The following TC2N variants were observed in gnomAD, a reference collection of about 807,000 sequenced individuals.
TC2N encodes tandem C2 domains nuclear protein.
In TC2N, 51 loss-of-function variants were observed where a neutral mutation model predicts 61.9. The ratio of observed to expected loss-of-function variants is 0.82; its 90% CI spans 0.66 to 1.04. The LOEUF is 1.04. Ranked by LOEUF, TC2N falls within the 50% of genes least tolerant of loss-of-function variation. The pLI, the probability that TC2N is intolerant of heterozygous loss-of-function variation, is 0.00. For synonymous variants in TC2N, 204 were observed against 192.6 expected, an observed-to-expected ratio of 1.06 and a Z score of -0.49; for missense variants, 556 against 566.7, an observed-to-expected ratio of 0.98 and a Z score of 0.19.
Position 91,787,537 on chromosome 14 carries a change from T to C in TC2N, c.1138A>G (p.Ser380Gly). The C allele has an allele frequency of 6.2e-7, 1 of 1,612,164 alleles. No homozygotes were observed. The highest frequency in any genetic ancestry group is 8.5e-7 in the Non-Finnish European group (1 of 1,179,038). ...CTCAAAGTCAGAGGTGTTGATGAGC[T>C]TGGAAGGTACCGTGCCTCAAGAATT... ...LQILEARYLP[S>G]SSTPLTLSFF... is the part of the protein sequence containing the mutation. Residue 380 changes from serine (S) to glycine (G), a missense_variant, in exon 10 of 12, where the codon AGC becomes GGC. Coordinates refer to ENST00000435962, the MANE Select transcript of TC2N (RefSeq NM_001128596.3).
chr14:91,799,830 TAAAAA>T (rs1886130591), intron 5 of TC2N, among the ~76,000 whole-genome samples: 3 of 152,094 alleles, frequency 2.0e-5, no homozygotes, highest in African/African-American at 7.2e-5. Flanking sequence ...TTACTTGTAA[TAAAAA>T]AGAAACATTT....
chr14:91,864,777 C>CTTTT (rs5810557), intron 1 of TC2N, among the ~76,000 whole-genome samples: 2 of 70,796 alleles, frequency 2.8e-5, no homozygotes, highest in African/African-American at 4.5e-5. Flanking sequence ...CTGCCTTCAT[C>CTTTT]TTTTTTTTTT....
rs529201120 is a variant in TC2N, at chr14:91,801,196, A to C, written c.470-824T>G. ...ACTACAAAAGCTCTATAATCACTTA[A>C]GCAGTTTGTTTATATTTCCCATCAC... is the stretch of plus-strand genomic sequence containing the variant. On this transcript the variant is annotated intron_variant, in intron 4 of 11. Transcript: ENST00000435962. Among the ~76,000 whole-genome samples, 11 of 152,152 alleles carry C rather than the reference A, an allele frequency of 7.2e-5. No homozygotes were observed. The South Asian group carries it at 2.1e-3, about 29-fold the overall frequency.
chr14:91,852,098 AACAG>A (rs1198715904), intron 1 of TC2N, among the ~76,000 whole-genome samples: 1 of 152,218 alleles, frequency 6.6e-6, no homozygotes, highest in African/African-American at 2.4e-5. Flanking sequence ...TACTTGTGAA[AACAG>A]ACAGTCTCTC....
At chr14:91,844,709 C>T (rs184245615) in intron 1 of TC2N, among the ~76,000 whole-genome samples, 16 of 134,654 alleles carry the variant, frequency 1.2e-4, no homozygotes, top group African/African-American at 3.7e-4. Flanking sequence ...TGCAGTGAGC[C>T]GATATTGCAC....
Position 91,812,393 on chromosome 14 carries a change from G to A in TC2N, c.220C>T (p.Pro74Ser), listed in dbSNP as rs558832058. The part of the protein sequence containing the change: ...SKLPSDGKEV[P>S]FVVPKFKLSY... ...AACTTAAACTTGGGCACCACAAATG[G>A]TACTTCTTTGCCATCAGATGGTAAT... Residue 74 changes from proline to serine, a missense_variant, in exon 3 of 12, where the codon CCA becomes TCA. Coordinates refer to ENST00000435962, the MANE Select transcript of TC2N (RefSeq NM_001128596.3). 4.3e-6 allele frequency: 7 copies of A among 1,612,632 alleles called. No homozygotes were observed. In the South Asian group the frequency reaches 6.6e-5, roughly 15 times the overall value.
chr14:91,789,006 C>T (rs1885502893), intron 9 of TC2N, among the ~76,000 whole-genome samples: 1 of 151,850 alleles, frequency 6.6e-6, no homozygotes, highest in African/African-American at 2.4e-5. Context: ...CTGTCCTTGG[C>T]ATTTAAAAAA....
chr14:91,823,292 G>A (rs1369252134), intron 1 of TC2N, among the ~76,000 whole-genome samples: 7 of 151,758 alleles, frequency 4.6e-5, no homozygotes, highest in East Asian at 2.0e-4. Flanking sequence ...AGGCCAAGGC[G>A]GGTGGATCAC....
chr14:91,866,199 A>G (rs1238706455), intron 1 of TC2N: 2 of 152,224 alleles, frequency 1.3e-5, no homozygotes, highest in Non-Finnish European at 2.9e-5. Context: ...GGCACATTAC[A>G]GTAACCACCC....
intron 3 of TC2N, among the ~76,000 whole-genome samples, chr14:91,811,022 T>C (rs190086274): frequency 2.6e-5 from 4 of 152,248 alleles, no homozygotes; most frequent in South Asian, 2.1e-4. Context: ...CACTGACATA[T>C]ACTTTTGTCA....
Position 91,802,306 on chromosome 14 carries a change from A to G in TC2N, c.417T>C (p.Asp139=). The change falls in exon 4 of 12, where the codon GAT becomes GAC. Residue 139 remains aspartate (D), a synonymous_variant. Transcript: ENST00000435962. ...AACGGGGAGGAAAGCGTCGACTCAA[A>G]TCAGGTGAAATGTGCTGATACATAT... The part of the protein sequence containing the change: ...PFYMYQHISP[D]LSRRFPPRSE... The G allele has an allele frequency of 6.2e-7, 1 of 1,605,602 alleles. No individual in the cohort carries two copies. Among genetic ancestry groups the G allele is most frequent in the Non-Finnish European group, 8.5e-7 (1 of 1,177,082 alleles).
intron 1 of TC2N, among the ~76,000 whole-genome samples, chr14:91,846,963 A>G (rs1888281208): frequency 6.6e-6 from 1 of 152,238 alleles, no homozygotes; most frequent in Non-Finnish European, 1.5e-5. Flanking sequence ...TCGAATGGTC[A>G]TAAAAACAAG....
chr14:91,863,857 T>C (rs553312698), intron 1 of TC2N, among the ~76,000 whole-genome samples: 148 of 144,734 alleles, frequency 1.0e-3, no homozygotes, highest in African/African-American at 3.3e-3. Context: ...AAGCCTGACA[T>C]GTTGGCACGT....
rs1297050475 is a variant in TC2N, at chr14:91,798,896, T to A, written c.637+93A>T. ...TATATCAACATAGTAGATACAATCA[T>A]CTAGAGTTTTTCACCTTATATACAC... On this transcript the variant is annotated intron_variant, in intron 6 of 11. Transcript: ENST00000435962. The A allele has an allele frequency of 5.2e-6, 4 of 763,482 alleles. No homozygotes were observed. The East Asian group carries it at 1.1e-4, about 21-fold the overall frequency. 47.3% of individuals were successfully genotyped at this position (763,482 alleles called of 1,614,324 possible). A position where few individuals can be genotyped will look rare whatever the true frequency, so the allele number is the denominator to read the frequency against.
At chr14:91,843,481 A>C (rs1485847578) in intron 1 of TC2N, among the ~76,000 whole-genome samples, 4 of 152,200 alleles carry the variant, frequency 2.6e-5, no homozygotes, top group Non-Finnish European at 5.9e-5. Flanking sequence ...TAGATATAAA[A>C]TCTAAATATT....
intron 1 of TC2N, chr14:91,836,129 C>T (rs529656550): frequency 6.6e-6 from 1 of 152,466 alleles, no homozygotes; most frequent in Admixed American, 6.5e-5. Flanking sequence ...TGGGCCCCAC[C>T]ACGGCCCCAT....
Position 91,785,363 on chromosome 14 carries a change from T to C in TC2N, c.1163-2A>G. 6.2e-7 allele frequency: 1 copy of C among 1,610,118 alleles called. No homozygotes were observed. The highest frequency in any genetic ancestry group is 1.1e-5 in the South Asian group (1 of 90,634). The stretch of plus-strand genomic sequence containing the variant: ...ACATTCCCACCTTCACGAAAAAACC[T>C]AAAAAATTAGAAATATTGGTTTATA... On this transcript the variant is annotated splice_acceptor_variant, in intron 10 of 11. Transcript: ENST00000435962. LOFTEE classifies it high-confidence loss of function.
At position 91,782,226 on chromosome 14, in the gene TC2N, C is replaced by G. The variant is rs1885164047; in HGVS notation, c.*874G>C. On this transcript the variant is annotated 3_prime_UTR_variant, in exon 12 of 12. Transcript: ENST00000435962. ...TGAAAAAAATGAGAAAATACTCAAA[C>G]ACGGTAAATTATAGAATAATCTAAA... The G allele has an allele frequency of 2.0e-5, 3 of 151,768 alleles. No homozygotes were observed. The South Asian group carries it at 6.2e-4, about 32-fold the overall frequency. 9.4% of individuals were successfully genotyped at this position (151,768 alleles called of 1,614,324 possible). A position where few individuals can be genotyped will look rare whatever the true frequency, so the allele number is the denominator to read the frequency against.
intron 1 of TC2N, among the ~76,000 whole-genome samples, chr14:91,835,894 G>C (rs1887977019): frequency 6.6e-6 from 1 of 152,102 alleles, no homozygotes; most frequent in Non-Finnish European, 1.5e-5. Flanking sequence ...GCAGGGAGCC[G>C]GGCGCCCGGC....
Sources: gnomAD v4.1 joint callset for allele counts (sites outside exome capture counted in the v4.1 genomes callset) on GRCh38, gnomAD v4.1.1 for gene constraint, MANE v1.5 for transcripts, NCBI Gene and HGNC (gene_info 2026-07-23, HGNC 2026-07-21) for gene names.